GRAMD1A: variants seen among roughly 807,000 people sequenced by gnomAD.
GRAMD1A encodes the protein protein Aster-A.
Under a neutral mutation model 92.0 loss-of-function variants are expected in GRAMD1A, and 50 were observed. That is an observed-to-expected ratio of 0.54 (90% confidence interval 0.43 to 0.69). The LOEUF (loss-of-function observed/expected upper bound fraction) is 0.69. GRAMD1A is among the 30% of genes least tolerant of loss of function. GRAMD1A has a pLI of 0.00. For synonymous variants in GRAMD1A, 405 were observed against 403.6 expected (o/e 1.00, Z -0.04); for missense variants, 819 against 978.9 (o/e 0.84, Z 2.18).
chr19:35,013,115 G>A lies in GRAMD1A; in HGVS notation c.607-141G>A, dbSNP rs544248754. On this transcript the variant is annotated intron_variant, in intron 7 of 19. Coordinates refer to ENST00000317991, the MANE Select transcript of GRAMD1A (RefSeq NM_020895.5). This position sits in a 1 kb window ranked among gnomAD's most constrained non-coding sequence, Gnocchi z 4.9. ...AGCAGGGGATTCCCCGCTTGCTGAG[G>A]CCAGGTCTGGTGCGGGAGATCGTGG... 4.0e-5 allele frequency: 24 copies of A among 601,260 alleles called. No homozygotes were observed. In the South Asian group the frequency reaches 4.1e-4, roughly 10 times the overall value. The allele number at this position is 601,260 out of a possible 1,614,324, so 37.2% of individuals were successfully genotyped here. A position where few individuals can be genotyped will look rare whatever the true frequency, so the allele number is the denominator to read the frequency against.
At chr19:35,017,551 C>A (rs901774605) in intron 11 of GRAMD1A, among the ~76,000 whole-genome samples, 3 of 152,116 alleles carry the variant, frequency 2.0e-5, no homozygotes, top group Non-Finnish European at 2.9e-5. Flanking sequence ...CCATGTCAAC[C>A]CTTCAGCCTC....
chr19:35,013,303 C>T lies in GRAMD1A; in HGVS notation c.654C>T (p.Gly218=). 26 of 1,552,608 alleles carry T rather than the reference C, an allele frequency of 1.7e-5. No homozygotes were observed. The highest frequency in any genetic ancestry group is 2.3e-5 in the Non-Finnish European group (26 of 1,147,438). Residue 218 remains glycine, a synonymous_variant, in exon 8 of 20, where the codon GGC becomes GGT. Coordinates refer to ENST00000317991, the MANE Select transcript of GRAMD1A (RefSeq NM_020895.5). The surrounding 1 kb of genome is among the most constrained non-coding windows in gnomAD (Gnocchi z 4.9). Reference sequence around the variant, plus strand: ...GGCACCTGGTGCATCAGTGCTACGGCTCAGAGCTGGGCCTCACCAGTGAGG... The same window carrying T: ...GGCACCTGGTGCATCAGTGCTACGGTTCAGAGCTGGGCCTCACCAGTGAGG... ...ELWHLVHQCY[G]SELGLTSEDE...
At chr19:35,017,570 C>G (rs2015732315) in intron 11 of GRAMD1A, among the ~76,000 whole-genome samples, 1 of 152,194 alleles carries the variant, frequency 6.6e-6, no homozygotes, top group South Asian at 2.1e-4. Context: ...TCACCCAGAG[C>G]TGTGGCTGCC....
chr19:35,015,948 A>G lies in GRAMD1A; in HGVS notation c.1194A>G (p.Leu398=), dbSNP rs771917948. 6 of 1,613,770 alleles carry G rather than the reference A, an allele frequency of 3.7e-6. No homozygotes were observed. The East Asian group carries it at 1.1e-4, about 30-fold the overall frequency. The change falls in exon 11 of 20, where the codon CTA becomes CTG. Residue 398 remains leucine (L), a synonymous_variant. Transcript: ENST00000317991. ...ACTCGCCCTTCCTCCAGGGCTTCCT[A>G]CAGCAGTGCAAGTTCACAGGTCAGC... ...FSDSPFLQGF[L]QQCKFTDVTL...
upstream of GRAMD1A, chr19:34,996,344 T>C: frequency 2.9e-6 from 4 of 1,391,822 alleles, no homozygotes; most frequent in Non-Finnish European, 2.9e-6. Flanking sequence ...TAGGGAGGGT[T>C]CTCTCTGTCA....
At chr19:35,002,129 T>C (rs2014418148) in intron 1 of GRAMD1A, among the ~76,000 whole-genome samples, 1 of 152,182 alleles carries the variant, frequency 6.6e-6, no homozygotes, top group Admixed American at 6.5e-5. Flanking sequence ...GTGAGACCCC[T>C]TGTGGCTCTC....
chr19:34,995,497 G>T (rs531140898), upstream of GRAMD1A, among the ~76,000 whole-genome samples: 39 of 151,404 alleles, frequency 2.6e-4, no homozygotes, highest in African/African-American at 9.0e-4. Context: ...GAGGAAACAG[G>T]CTTGGGGTCA....
At chr19:35,001,671 G>A (rs62122148) in intron 1 of GRAMD1A, among the ~76,000 whole-genome samples, 40,308 of 151,600 alleles carry the variant, frequency 0.27, 6,040 homozygotes, top group Middle Eastern at 0.41. Context: ...GCAGTGGCAC[G>A]ATCTCGGCCC....
rs567671660 is a variant in GRAMD1A at position 35,000,555 on chromosome 19, G to A, written c.8+69G>A. On this transcript the variant is annotated intron_variant, in intron 1 of 19. Transcript: ENST00000317991. The surrounding 1 kb of genome is among the most constrained non-coding windows in gnomAD (Gnocchi z 4.9). ...GAGGCCACCGGAGGGAGGGGGCGCC[G>A]CGGGCTTGGGGAGGGGGCGGAGCGG... The A allele has an allele frequency of 1.8e-5, 21 of 1,192,746 alleles. No individual in the cohort carries two copies. Among genetic ancestry groups the A allele is most frequent in the Non-Finnish European group, 2.2e-5 (21 of 947,558 alleles). 73.9% of individuals were successfully genotyped at this position (1,192,746 alleles called of 1,614,324 possible).
intron 10 of GRAMD1A, 166 bp from the exon 11 acceptor site, chr19:35,015,658 C>T: frequency 1.6e-6 from 1 of 618,822 alleles, no homozygotes; most frequent in Admixed American, 3.3e-5. Context: ...TGCCCACCCT[C>T]AACCCATCCC....
chr19:34,997,969 G>A (rs1194160017), upstream of GRAMD1A, among the ~76,000 whole-genome samples: 17 of 151,756 alleles, frequency 1.1e-4, no homozygotes, highest in Non-Finnish European at 5.9e-5. Context: ...TCAGGAAGTT[G>A]GGGCAAGAGA....
chr19:34,999,395 A>G (rs1039005233), upstream of GRAMD1A: 12 of 151,824 alleles, frequency 7.9e-5, no homozygotes, highest in African/African-American at 2.9e-4. Flanking sequence ...GGGACAGCGT[A>G]CCCTGGAGAG....
intron 7 of GRAMD1A, among the ~76,000 whole-genome samples, chr19:35,012,359 A>T (rs1271333024): frequency 6.7e-6 from 1 of 150,238 alleles, no homozygotes; most frequent in Admixed American, 6.6e-5. Flanking sequence ...GATGGTTTTG[A>T]AGATACAGTG....
Position 35,009,161 on chromosome 19 carries a change from A to G in GRAMD1A, c.51A>G (p.Pro17=), listed in dbSNP as rs1241973832. 11 of 1,613,834 alleles carry G rather than the reference A, an allele frequency of 6.8e-6. No homozygotes were observed. The highest frequency in any genetic ancestry group is 1.7e-6 in the Non-Finnish European group (2 of 1,179,908). The change falls in exon 2 of 20, where the codon CCA becomes CCG. Residue 17 remains proline, a synonymous_variant. Coordinates refer to ENST00000317991, the MANE Select transcript of GRAMD1A (RefSeq NM_020895.5). ...HSGRSTPSSS[P]SLRKRLQLLP... The stretch of plus-strand genomic sequence containing the variant: ...GCCGGAGCACGCCAAGCAGCTCCCC[A>G]TCGCTCCGGAAACGGCTGCAGCTCC...
chr19:35,015,533 G>T (rs1421765200), intron 10 of GRAMD1A: 2 of 330,708 alleles, frequency 6.0e-6, no homozygotes, highest in South Asian at 9.9e-5. Context: ...CTAGGTTGAT[G>T]CTCCCAGGAG....
upstream of GRAMD1A, among the ~76,000 whole-genome samples, chr19:34,995,407 C>T (rs1194796683): frequency 6.6e-6 from 1 of 151,712 alleles, no homozygotes; most frequent in Non-Finnish European, 1.5e-5. Context: ...GGGGCCCTGG[C>T]CTAGCCCCAT....
upstream of GRAMD1A, among the ~76,000 whole-genome samples, chr19:34,995,570 G>GTTTTTC (rs1173583059): frequency 7.2e-4 from 58 of 80,968 alleles, 4 homozygotes; most frequent in Non-Finnish European, 1.1e-3. Flanking sequence ...TCAGATCACG[G>GTTTTTC]GTTTTTTTTT....
At position 35,019,404 on chromosome 19, in the gene GRAMD1A, G is replaced by A. The variant is rs200063858; in HGVS notation, c.1346G>A (p.Arg449His). The change falls in exon 13 of 20, where the codon CGC (arginine) becomes CAC (histidine). Residue 449 changes from arginine to histidine, a missense_variant. By Grantham distance (29) the Arg-to-His change is conservative (BLOSUM62 0). Around this residue, in one of 3 missense-constraint regions of GRAMD1A, gnomAD observed 577 missense variants for 674.6 expected, o/e 0.86. Transcript: ENST00000317991. Reference protein sequence around the residue: ...SVVETQTLFRRGPQAGGCVVD... With the variant: ...SVVETQTLFRHGPQAGGCVVD... Reference sequence around the variant, plus strand: ...CTGTCCCTGCAGACGCTGTTCCGGCGCGGCCCCCAGGCCGGCGGGTGTGTG... The same window carrying A: ...CTGTCCCTGCAGACGCTGTTCCGGCACGGCCCCCAGGCCGGCGGGTGTGTG... 1.1e-4 allele frequency: 182 copies of A among 1,613,836 alleles called. No homozygotes were observed. In the Admixed American group the frequency reaches 2.4e-3, roughly 22 times the overall value.
At chr19:35,014,113 T>C (rs942958232) in intron 9 of GRAMD1A, 76 bp from the exon 10 acceptor site, 5 of 1,351,320 alleles carry the variant, frequency 3.7e-6, no homozygotes, top group South Asian at 1.2e-5. Flanking sequence ...TCTGGAATCC[T>C]TGTGGCCAGT....
Sources: gnomAD v4.1 joint callset for allele counts (sites outside exome capture counted in the v4.1 genomes callset) on GRCh38, gnomAD v4.1.1 for gene constraint, gnomAD v4.1.1 regional missense constraint, Gnocchi (gnomAD v3.1) non-coding constraint, MANE v1.5 for transcripts, NCBI Gene and HGNC (gene_info 2026-07-23, HGNC 2026-07-21) for gene names.